NPIPA7: variants seen among roughly 807,000 people sequenced by gnomAD.
NPIPA7 encodes the protein nuclear pore complex-interacting protein family member A7.
intron 2 of NPIPA7, among the ~76,000 whole-genome samples, chr16:16,386,831 C>T (rs1330425283): frequency 2.4e-5 from 3 of 126,026 alleles, no homozygotes; most frequent in Admixed American, 8.5e-5. Flanking sequence ...CTCACCACAA[C>T]CTTTTCCTGC....
At position 16,388,051 on chromosome 16, in the gene NPIPA7, C is replaced by CT. The variant is rs1252652575; in HGVS notation, c.437+263dup. ...ACTGCATTGGTTTTCCTTTCTCTCT[C>CT]TTTTTTTTTTTTTTTTTTCCTGAGA... On this transcript the variant is annotated intron_variant, in intron 4 of 7. Transcript: ENST00000530217. Among the ~76,000 whole-genome samples the CT allele has an allele frequency of 9.6e-4, 43 of 44,680 alleles. 4 individuals are homozygous for CT. Among genetic ancestry groups the CT allele is most frequent in the East Asian group, 1.4e-3 (1 of 730 alleles). 29.3% of individuals were successfully genotyped at this position (44,680 alleles called of 152,430 possible).
Sources: gnomAD v4.1 joint callset for allele counts (sites outside exome capture counted in the v4.1 genomes callset) on GRCh38, gnomAD v4.1.1 for gene constraint, MANE v1.5 for transcripts, NCBI Gene and HGNC (gene_info 2026-07-23, HGNC 2026-07-21) for gene names.